Variants in MCF2L2 observed in about 807,000 individuals in gnomAD.
The protein encoded by MCF2L2 is MCF.2 cell line derived transforming sequence-like 2.
A neutral mutation model predicts 150.2 loss-of-function variants in MCF2L2; 102 were observed. That is an observed-to-expected ratio of 0.68 (90% CI 0.58 to 0.80). The LOEUF (loss-of-function observed/expected upper bound fraction) is 0.80. MCF2L2 is among the 30% of genes least tolerant of loss of function. The pLI is 0.00. For missense variants in MCF2L2, 1,256 were observed against 1,372.8 expected, an observed-to-expected ratio of 0.91 and a Z score of 1.34; for synonymous variants, 465 against 491.3, an observed-to-expected ratio of 0.95 and a Z score of 0.71.
At chr3:183,298,764 T>TGCGCGCGCAC (rs1553776998) in intron 11 of MCF2L2, 1 of 60,320 alleles carries the variant, frequency 1.7e-5, no homozygotes, top group African/African-American at 1.5e-4. Flanking sequence ...CAAACACACA[T>TGCGCGCGCAC]GCACACACAC....
At chr3:183,349,400 C>T (rs1731023785) in intron 3 of MCF2L2, among the ~76,000 whole-genome samples, 1 of 152,092 alleles carries the variant, frequency 6.6e-6, no homozygotes, top group South Asian at 2.1e-4. Context: ...TGTTATTGCT[C>T]GGTAAAAATG....
chr3:183,295,482 A>G lies in MCF2L2; in HGVS notation c.1498-5T>C. 1.9e-6 allele frequency: 3 copies of G among 1,614,020 alleles called. No individual in the cohort carries two copies. Among genetic ancestry groups the G allele is most frequent in the Non-Finnish European group, 2.5e-6 (3 of 1,179,950 alleles). ...CAAAACTTTCTGGGCTTTGGCCTACAGTAACAAAAGCAAATCATGATGAAC... is the reference window on the plus strand; with the variant it reads ...CAAAACTTTCTGGGCTTTGGCCTACGGTAACAAAAGCAAATCATGATGAAC... On this transcript the variant is annotated splice_region_variant and splice_polypyrimidine_tract_variant and intron_variant, in intron 12 of 29. Transcript: ENST00000328913.
intron 15 of MCF2L2, among the ~76,000 whole-genome samples, chr3:183,262,317 T>A (rs1164052640): frequency 6.6e-6 from 1 of 152,044 alleles, no homozygotes; most frequent in Non-Finnish European, 1.5e-5. Flanking sequence ...GTTGGCAATA[T>A]TCAGCCCCCA....
At chr3:183,327,721 C>T (rs76799565) in intron 5 of MCF2L2, among the ~76,000 whole-genome samples, 19,504 of 152,170 alleles carry the variant, frequency 0.13, 1,334 homozygotes, top group African/African-American at 0.14. Flanking sequence ...TTTAGGCTGA[C>T]ATATCTCACA....
Position 183,205,899 on chromosome 3 carries a change from A to G in MCF2L2, c.2861T>C (p.Met954Thr). Residue 954 changes from methionine (M) to threonine (T), a missense_variant, in exon 25 of 30, where the codon ATG becomes ACG. By Grantham distance (81) the Met-to-Thr change is moderately conservative. Coordinates refer to ENST00000328913, the MANE Select transcript of MCF2L2 (RefSeq NM_015078.4). ...ACCTTTGATATTATTTTGTTGTTCC[A>G]TCAATAATTTACTTATTTCTGAAAA... ...CWFSEISKLL[M>T]EQQNNIKDQG... 6.2e-7 allele frequency: 1 copy of G among 1,613,880 alleles called. No homozygotes were observed. Among genetic ancestry groups the G allele is most frequent in the Non-Finnish European group, 8.5e-7 (1 of 1,179,768 alleles).
chr3:183,269,719 CG>C, intron 15 of MCF2L2: 8 of 1,327,240 alleles, frequency 6.0e-6, no homozygotes, highest in Non-Finnish European at 8.3e-6. Context: ...ACCTACTCTA[CG>C]AAACACGAAG....
At chr3:183,204,070 T>TA (rs1198847576) in intron 25 of MCF2L2, among the ~76,000 whole-genome samples, 2 of 152,040 alleles carry the variant, frequency 1.3e-5, no homozygotes, top group African/African-American at 4.8e-5. Context: ...TATCCACATG[T>TA]AAAAAAAGGA....
At chr3:183,424,696 C>T (rs1716071073) in intron 1 of MCF2L2, among the ~76,000 whole-genome samples, 1 of 152,164 alleles carries the variant, frequency 6.6e-6, no homozygotes, top group Non-Finnish European at 1.5e-5. Context: ...AATTCAGAGT[C>T]AGGAGTCATC....
chr3:183,347,006 C>A (rs1160559063), intron 3 of MCF2L2, among the ~76,000 whole-genome samples: 1 of 152,142 alleles, frequency 6.6e-6, no homozygotes, highest in African/African-American at 2.4e-5. Flanking sequence ...AGATTTACTG[C>A]TATTCCCATC....
chr3:183,261,377 G>T (rs1024611302), intron 15 of MCF2L2, among the ~76,000 whole-genome samples: 1 of 151,988 alleles, frequency 6.6e-6, no homozygotes, highest in Admixed American at 6.6e-5. Context: ...GCATAAAGAT[G>T]GTACAGAAGA....
intron 19 of MCF2L2, among the ~76,000 whole-genome samples, 167 bp downstream of exon 19, chr3:183,223,930 CA>C (rs1461292856): frequency 6.6e-6 from 1 of 152,234 alleles, no homozygotes; most frequent in African/African-American, 2.4e-5. Context: ...GTGCTCCTCA[CA>C]GGCCTATCCC....
intron 11 of MCF2L2, 71 bp from the exon 12 acceptor site, chr3:183,297,238 G>T: frequency 7.5e-7 from 1 of 1,335,436 alleles, no homozygotes; most frequent in Non-Finnish European, 1.1e-6. Flanking sequence ...TCCTCAGCAG[G>T]TCTGAGCTTG....
intron 3 of MCF2L2, among the ~76,000 whole-genome samples, chr3:183,359,134 A>C (rs1711972090): frequency 6.6e-6 from 1 of 152,162 alleles, no homozygotes; most frequent in African/African-American, 2.4e-5. Context: ...TGCTGATGAA[A>C]TATCACTGTT....
At chr3:183,327,253 A>G (rs994879673) in intron 5 of MCF2L2, among the ~76,000 whole-genome samples, 1 of 152,150 alleles carries the variant, frequency 6.6e-6, no homozygotes, top group Non-Finnish European at 1.5e-5. Context: ...TGAACCTGGG[A>G]GGCAGAGGTT....
intron 14 of MCF2L2, among the ~76,000 whole-genome samples, chr3:183,277,763 A>G (rs77418195): frequency 0.026 from 3,886 of 147,194 alleles, 176 homozygotes; most frequent in African/African-American, 0.09. Flanking sequence ...TCAGCCTCCT[A>G]AAGTGGAGGA....
chr3:183,183,808 T>C (rs1051364962), intron 27 of MCF2L2, among the ~76,000 whole-genome samples: 1 of 152,122 alleles, frequency 6.6e-6, no homozygotes, highest in African/African-American at 2.4e-5. Context: ...AGGTGTGCTA[T>C]TATTACTTAC....
rs529187542 is a variant in MCF2L2, at chr3:183,380,247, C to T, written c.161-836G>A. On this transcript the variant is annotated intron_variant, in intron 2 of 29. Coordinates refer to ENST00000328913, the MANE Select transcript of MCF2L2 (RefSeq NM_015078.4). ...TTGACTAAGTTCTAGCCCCACAGTC[C>T]CCAAACTGTGTCGCAGGTAAGCAGG... Among the ~76,000 whole-genome samples the T allele has an allele frequency of 7.9e-4, 120 of 152,216 alleles. 1 individual carries two copies. The highest frequency in any genetic ancestry group is 1.2e-3 in the Non-Finnish European group (81 of 68,012).
chr3:183,288,433 TTGTGTGTGTGCATG>T (rs1217493787), intron 14 of MCF2L2, among the ~76,000 whole-genome samples: 1 of 151,982 alleles, frequency 6.6e-6, no homozygotes, highest in Non-Finnish European at 1.5e-5. Flanking sequence ...ATTCACGCAC[TTGTGTGTGTGCATG>T]TGTGTGTGCA....
intron 3 of MCF2L2, among the ~76,000 whole-genome samples, chr3:183,350,376 T>C (rs1731064611): frequency 1.3e-5 from 2 of 152,022 alleles, no homozygotes; most frequent in South Asian, 4.2e-4. Context: ...GCACAGGAAA[T>C]GGGGTTTCTG....
Sources: allele counts gnomAD v4.1 joint callset (sites outside exome capture counted in the v4.1 genomes callset), GRCh38; gene constraint gnomAD v4.1.1; transcripts MANE v1.5; gene names NCBI Gene and HGNC (gene_info 2026-07-23, HGNC 2026-07-21).